The following IGF1 variants were observed in gnomAD, a reference collection of about 807,000 sequenced individuals.
IGF1 encodes the protein insulin like growth factor 1, also known as insulin-like growth factor 1.
A neutral mutation model predicts 13.8 loss-of-function variants in IGF1; 4 were observed. The observed-to-expected ratio is 0.29, with a 90% CI of 0.14 to 0.66. The LOEUF is 0.66. Among genes scored for constraint, IGF1 ranks in the 30% least tolerant of loss-of-function variants. The probability of loss-of-function intolerance (pLI) is 0.78; values close to 1 mark genes in which losing one functional copy is unlikely to be tolerated. For synonymous variants in IGF1, 76 were observed against 72.6 expected (o/e 1.05, Z -0.23); for missense variants, 124 against 188.5 (o/e 0.66, Z 2.00).
intron 2 of IGF1, among the ~76,000 whole-genome samples, chr12:102,461,822 CATA>C (rs1247247248): frequency 6.6e-6 from 1 of 152,156 alleles, no homozygotes; most frequent in Admixed American, 6.5e-5. Context: ...AGTGAATCAG[CATA>C]TATATTGTTA....
At chr12:102,417,479 T>C (rs916129180) in intron 3 of IGF1, 1 of 878,748 alleles carries the variant, frequency 1.1e-6, no homozygotes, top group Non-Finnish European at 1.4e-6. Flanking sequence ...AAAATGCATA[T>C]AGAAGCCTTA....
At chr12:102,435,207 T>C (rs376046642) in intron 2 of IGF1, among the ~76,000 whole-genome samples, 3 of 152,216 alleles carry the variant, frequency 2.0e-5, no homozygotes, top group African/African-American at 7.2e-5. Flanking sequence ...TTTCTAACTA[T>C]GTGATGTGAG....
At chr12:102,480,977 C>T (rs1395098423), upstream of IGF1, among the ~76,000 whole-genome samples, 1 of 152,120 alleles carries the variant, frequency 6.6e-6, no homozygotes, top group Non-Finnish European at 1.5e-5. Flanking sequence ...AAAGAAAGGA[C>T]GATAAGACCC....
intron 2 of IGF1, among the ~76,000 whole-genome samples, chr12:102,440,266 C>A (rs550584469): frequency 6.6e-6 from 1 of 152,148 alleles, no homozygotes; most frequent in East Asian, 1.9e-4. Flanking sequence ...TTCTCCAGCC[C>A]CCACAGAGAG....
At chr12:102,420,864 T>C (rs1310275389) in intron 2 of IGF1, among the ~76,000 whole-genome samples, 1 of 152,240 alleles carries the variant, frequency 6.6e-6, no homozygotes, top group African/African-American at 2.4e-5. Flanking sequence ...AATTTATTAA[T>C]CTGACATGTA....
chr12:102,434,598 C>T (rs1417702749), intron 2 of IGF1, among the ~76,000 whole-genome samples: 2 of 150,448 alleles, frequency 1.3e-5, no homozygotes, highest in Non-Finnish European at 3.0e-5. Context: ...TGAATAATGC[C>T]GCAATAAACA....
At chr12:102,471,030 T>C (rs942380835) in intron 2 of IGF1, among the ~76,000 whole-genome samples, 5 of 152,186 alleles carry the variant, frequency 3.3e-5, no homozygotes, top group African/African-American at 1.2e-4. Flanking sequence ...TTTGGCTCCT[T>C]AGTCCAAAAG....
At chr12:102,457,092 G>A (rs1004129030) in intron 2 of IGF1, among the ~76,000 whole-genome samples, 1 of 152,108 alleles carries the variant, frequency 6.6e-6, no homozygotes, top group African/African-American at 2.4e-5. Context: ...GCGAATTCAA[G>A]GCTTTTCAGG....
chr12:102,404,262 T>G, intron 3 of IGF1, among the ~76,000 whole-genome samples: 1 of 152,162 alleles, frequency 6.6e-6, no homozygotes. Flanking sequence ...TACAATATTG[T>G]GAGGAGCTAA....
At chr12:102,460,610 T>C (rs1283417128) in intron 2 of IGF1, among the ~76,000 whole-genome samples, 2 of 152,194 alleles carry the variant, frequency 1.3e-5, no homozygotes. Flanking sequence ...AATGAGAGAA[T>C]ACTAACAAAG....
intron 2 of IGF1, among the ~76,000 whole-genome samples, chr12:102,441,967 T>TTTTG (rs1374230874): frequency 3.7e-4 from 4 of 10,828 alleles, no homozygotes; most frequent in Non-Finnish European, 1.0e-3. Flanking sequence ...TTTTTTTTTT[T>TTTTG]GAGACAGGGT....
At chr12:102,411,708 A>T (rs1874659194) in intron 3 of IGF1, among the ~76,000 whole-genome samples, 2 of 152,212 alleles carry the variant, frequency 1.3e-5, no homozygotes, top group African/African-American at 4.8e-5. Context: ...CATGTCAGTT[A>T]GAGAAGCCCA....
At chr12:102,411,414 C>T (rs1874629326) in intron 3 of IGF1, among the ~76,000 whole-genome samples, 1 of 152,162 alleles carries the variant, frequency 6.6e-6, no homozygotes, top group African/African-American at 2.4e-5. Flanking sequence ...CATATTTTCA[C>T]AGATGGCAGG....
In IGF1 at chr12:102,409,652, A is replaced by G. The variant is rs1018971608; in HGVS notation, c.403-7086T>C. 5.3e-5 allele frequency among the ~76,000 whole-genome samples: 8 copies of G among 152,216 alleles called. No individual in the cohort carries two copies. In the East Asian group the frequency reaches 5.8e-4, roughly 11 times the overall value. On this transcript the variant is annotated intron_variant, in intron 3 of 3. Transcript: ENST00000337514. ...AGAGAGTGCAGTGCTTGATTAGCAC[A>G]CTGTGGTCTATCTATCTCGGGTTTG...
intron 2 of IGF1, among the ~76,000 whole-genome samples, chr12:102,450,693 A>G (rs1878845863): frequency 6.6e-6 from 1 of 152,242 alleles, no homozygotes; most frequent in Non-Finnish European, 1.5e-5. Flanking sequence ...TTCTCTTGCT[A>G]CATTTAATTT....
intron 2 of IGF1, chr12:102,423,259 GAAAAAAAAAAAAAAAAA>G (rs138450873): frequency 2.3e-5 from 1 of 43,122 alleles, no homozygotes; most frequent in Non-Finnish European, 3.8e-5. Flanking sequence ...TCGATGCTAC[GAAAAAAAAAAAAAAAAA>G]AAAAAAAAAA....
upstream of IGF1, chr12:102,480,793 A>G (rs528381818): frequency 1.7e-4 from 54 of 326,124 alleles, no homozygotes; most frequent in Admixed American, 8.8e-4. Context: ...GGGTTCGCAG[A>G]CATTAAAATA....
chr12:102,470,761 G>A (rs914926591), intron 2 of IGF1, among the ~76,000 whole-genome samples: 1 of 152,210 alleles, frequency 6.6e-6, no homozygotes, highest in African/African-American at 2.4e-5. Flanking sequence ...AATGGTGGGT[G>A]AGTGTGATGT....
Position 102,407,253 on chromosome 12 carries a change from G to GTGTT in IGF1, c.403-4691_403-4688dup, listed in dbSNP as rs1035538948. On this transcript the variant is annotated intron_variant, in intron 3 of 3. Transcript: ENST00000337514. Reference sequence around the variant, plus strand: ...TACAATCACCACATGAGGTGATGCGGTGTTATTCCTGTCAGTCCCACGTAC... The same window carrying GTGTT: ...TACAATCACCACATGAGGTGATGCGGTGTTTGTTATTCCTGTCAGTCCCACGTAC... Among the ~76,000 whole-genome samples, 105 of 152,184 alleles carry GTGTT rather than the reference G, an allele frequency of 6.9e-4. 2 individuals are homozygous for GTGTT. The highest frequency in any genetic ancestry group is 2.5e-3 in the African/African-American group (103 of 41,530).
Sources: allele counts gnomAD v4.1 joint callset (sites outside exome capture counted in the v4.1 genomes callset), GRCh38; gene constraint gnomAD v4.1.1; transcripts MANE v1.5; gene names NCBI Gene and HGNC (gene_info 2026-07-23, HGNC 2026-07-21).